Variants in AP2B1 observed in about 807,000 individuals in gnomAD.
AP2B1 encodes the protein adaptor related protein complex 2 subunit beta 1, also known as AP-2 complex subunit beta.
AP2B1 carries 23 observed loss-of-function variants against 102.0 expected under a neutral mutation model. The ratio of observed to expected loss-of-function variants is 0.23; its 90% CI spans 0.16 to 0.32. The LOEUF (loss-of-function observed/expected upper bound fraction) is 0.32, where lower values mean the gene tolerates loss of function less well. Among genes scored for constraint, AP2B1 ranks in the 10% least tolerant of loss-of-function variants. The pLI is 1.00. For synonymous variants in AP2B1, 381 were observed against 421.2 expected, an observed-to-expected ratio of 0.90 and a Z score of 1.17; for missense variants, 541 against 1,157.4, an observed-to-expected ratio of 0.47 and a Z score of 7.73.
Position 35,639,752 on chromosome 17 carries a change from A to G in AP2B1, c.1429A>G (p.Ser477Gly), listed in dbSNP as rs976327787. 1 of 1,613,692 alleles carries G rather than the reference A, an allele frequency of 6.2e-7. No homozygotes were observed. ...CTTCCTGGAGGGTTTTCACGATGAA[A>G]GCACCCAGGTAAGTTCTTGTCTCTT... ...ESFLEGFHDE[S>G]TQVQLTLLTA... Residue 477 changes from serine (S) to glycine (G), a missense_variant, in exon 11 of 22, where the codon AGC becomes GGC. By Grantham distance (56) the Ser-to-Gly change is moderately conservative (BLOSUM62 0). Around this residue, in one of 10 missense-constraint regions of AP2B1, gnomAD observed 106 missense variants for 296.4 expected, o/e 0.36. Transcript: ENST00000610402.
chr17:35,604,887 T>TATAA (rs2073615411), intron 3 of AP2B1, among the ~76,000 whole-genome samples: 1 of 152,246 alleles, frequency 6.6e-6, no homozygotes, highest in Admixed American at 6.5e-5. Context: ...TTTCTAAAAC[T>TATAA]ATAGAGACCT....
chr17:35,610,761 G>A (rs527990577), intron 5 of AP2B1, among the ~76,000 whole-genome samples: 1 of 152,070 alleles, frequency 6.6e-6, no homozygotes, highest in Admixed American at 6.5e-5. Context: ...CAAAAAATTA[G>A]CCGGGCGTGG....
intron 18 of AP2B1, among the ~76,000 whole-genome samples, chr17:35,703,849 CAT>C (rs2076288892): frequency 6.7e-5 from 1 of 14,990 alleles, no homozygotes; most frequent in African/African-American, 5.6e-4. Context: ...CAGTTTTAGA[CAT>C]ATTCTTTTTG....
intron 18 of AP2B1, among the ~76,000 whole-genome samples, chr17:35,707,767 C>A (rs2076374716): frequency 6.6e-6 from 1 of 152,210 alleles, no homozygotes; most frequent in Non-Finnish European, 1.5e-5. Context: ...TCTAGTACAT[C>A]CTAAAGAATG....
chr17:35,612,968 A>G (rs1284434839), intron 5 of AP2B1, among the ~76,000 whole-genome samples: 1 of 151,704 alleles, frequency 6.6e-6, no homozygotes, highest in Non-Finnish European at 1.5e-5. Context: ...AGTTATCTGA[A>G]CACTGCTTCA....
At chr17:35,616,776 A>G (rs17669281) in intron 5 of AP2B1, among the ~76,000 whole-genome samples, 11,117 of 152,244 alleles carry the variant, frequency 0.073, 467 homozygotes, top group Middle Eastern at 0.11. Flanking sequence ...GAAAACAGAA[A>G]AGTGCTTTAC....
chr17:35,704,483 T>C (rs1169381608), intron 18 of AP2B1, among the ~76,000 whole-genome samples: 1 of 152,208 alleles, frequency 6.6e-6, no homozygotes, highest in African/African-American at 2.4e-5. Context: ...CTTATTTTCA[T>C]GCAACAAATA....
chr17:35,627,957 A>G (rs951580471), intron 9 of AP2B1, among the ~76,000 whole-genome samples: 1 of 152,224 alleles, frequency 6.6e-6, no homozygotes, highest in African/African-American at 2.4e-5. Flanking sequence ...TCTTTTGATT[A>G]AAATAGGTCC....
chr17:35,699,093 A>G (rs2076192944), intron 18 of AP2B1, among the ~76,000 whole-genome samples: 1 of 152,192 alleles, frequency 6.6e-6, no homozygotes. Flanking sequence ...AAGTCATAGT[A>G]TTTCAGTTTC....
intron 18 of AP2B1, among the ~76,000 whole-genome samples, chr17:35,702,867 T>A (rs1393875735): frequency 6.6e-6 from 1 of 152,186 alleles, no homozygotes; most frequent in African/African-American, 2.4e-5. Context: ...AAAAAAATTT[T>A]TGAAAATAAC....
chr17:35,621,711 A>C (rs1386872959), intron 5 of AP2B1, among the ~76,000 whole-genome samples: 1 of 152,180 alleles, frequency 6.6e-6, no homozygotes, highest in Non-Finnish European at 1.5e-5. Flanking sequence ...CACTTGGTTT[A>C]ATTTCCAGTT....
intron 21 of AP2B1, among the ~76,000 whole-genome samples, chr17:35,722,878 T>C (rs2085443831): frequency 6.6e-6 from 1 of 152,208 alleles, no homozygotes; most frequent in Non-Finnish European, 1.5e-5. Context: ...CCTTACTGAC[T>C]CACAAAGTGA....
intron 10 of AP2B1, 120 bp from the exon 11 acceptor site, chr17:35,639,475 G>A: frequency 1.3e-6 from 1 of 752,316 alleles, no homozygotes; most frequent in Non-Finnish European, 2.1e-6. Context: ...TTGACTAAAA[G>A]CTTTTACAGT....
At position 35,635,877 on chromosome 17, in the gene AP2B1, C is replaced by T. The variant is rs138556944; in HGVS notation, c.1156-464C>T. 4.7e-3 allele frequency among the ~76,000 whole-genome samples: 717 copies of T among 151,968 alleles called. 1 individual carries two copies. The highest frequency in any genetic ancestry group is 0.016 in the African/African-American group (674 of 41,468). ...CTAATTTTTTTGTATTTAGTGGAGA[C>T]GGGGTTTCACCATGTTAGTCAGGCT... On this transcript the variant is annotated intron_variant, in intron 9 of 21. Coordinates refer to ENST00000610402, the MANE Select transcript of AP2B1 (RefSeq NM_001030006.2).
At chr17:35,679,391 C>CTT (rs76352263) in intron 17 of AP2B1, among the ~76,000 whole-genome samples, 5 of 142,830 alleles carry the variant, frequency 3.5e-5, no homozygotes, top group East Asian at 2.0e-4. Flanking sequence ...GACTTGCTAC[C>CTT]TTTTTTTTTT....
intron 18 of AP2B1, among the ~76,000 whole-genome samples, chr17:35,703,996 C>A (rs1221346857): frequency 1.3e-5 from 2 of 152,130 alleles, no homozygotes; most frequent in African/African-American, 4.8e-5. Context: ...ATTATATCTT[C>A]CTACTATCTC....
chr17:35,682,660 A>G, intron 17 of AP2B1, 35 bp from the exon 18 acceptor site: 1 of 1,590,086 alleles, frequency 6.3e-7, no homozygotes, highest in African/African-American at 1.4e-5. Flanking sequence ...CTGCCTCTTG[A>G]TTAACCTCTG....
At chr17:35,616,205 C>T (rs111650116) in intron 5 of AP2B1, among the ~76,000 whole-genome samples, 8,654 of 113,344 alleles carry the variant, frequency 0.076, 381 homozygotes, top group Middle Eastern at 0.25. Context: ...CGCTCAGTCG[C>T]CCAGGCTGGA....
chr17:35,688,677 T>C (rs1341666717), intron 18 of AP2B1, among the ~76,000 whole-genome samples: 1 of 152,128 alleles, frequency 6.6e-6, no homozygotes, highest in African/African-American at 2.4e-5. Context: ...AAACCTTGTT[T>C]ATGGGAACAG....
Sources: gnomAD v4.1 joint callset for allele counts (sites outside exome capture counted in the v4.1 genomes callset) on GRCh38, gnomAD v4.1.1 for gene constraint, gnomAD v4.1.1 regional missense constraint, MANE v1.5 for transcripts, NCBI Gene and HGNC (gene_info 2026-07-23, HGNC 2026-07-21) for gene names.